The following PRKD1 variants were observed in gnomAD, a reference collection of about 807,000 sequenced individuals.
PRKD1 encodes protein kinase D1, also known as serine/threonine-protein kinase D1.
PRKD1 carries 63 observed loss-of-function variants against 95.9 expected under a neutral mutation model. The observed-to-expected ratio is 0.66, with a 90% CI of 0.54 to 0.81. The LOEUF is 0.81. Among genes scored for constraint, PRKD1 ranks in the 30% least tolerant of loss-of-function variants. The pLI is 0.00. For missense variants in PRKD1, 1,048 were observed against 1,165.3 expected (o/e 0.90, Z 1.47); for synonymous variants, 425 against 423.1 (o/e 1.00, Z -0.05).
chr14:29,806,599 C>T (rs45452697), intron 1 of PRKD1, among the ~76,000 whole-genome samples: 5 of 152,188 alleles, frequency 3.3e-5, no homozygotes, highest in South Asian at 2.1e-4. Flanking sequence ...GAAAATGGTT[C>T]GACTGTTCAG....
At chr14:29,744,153 C>CTAACTG (rs1354225346) in intron 1 of PRKD1, among the ~76,000 whole-genome samples, 1 of 152,142 alleles carries the variant, frequency 6.6e-6, no homozygotes, top group African/African-American at 2.4e-5. Flanking sequence ...ACTCATCTAT[C>CTAACTG]TAACTGATAC....
chr14:29,624,711 C>T (rs1021034532), intron 12 of PRKD1, among the ~76,000 whole-genome samples: 1 of 152,084 alleles, frequency 6.6e-6, no homozygotes, highest in African/African-American at 2.4e-5. Context: ...AAATCACTCA[C>T]TCTTTCTGAA....
chr14:29,681,340 T>C (rs1883529254), intron 2 of PRKD1, among the ~76,000 whole-genome samples: 1 of 151,788 alleles, frequency 6.6e-6, no homozygotes, highest in African/African-American at 2.4e-5. Flanking sequence ...TGTCACTTCA[T>C]GAAAATGAGA....
intron 1 of PRKD1, among the ~76,000 whole-genome samples, chr14:29,880,891 G>C (rs2139395078): frequency 6.6e-6 from 1 of 152,274 alleles, no homozygotes; most frequent in South Asian, 2.1e-4. Context: ...TCTCCATTTG[G>C]AATGGCTGTA....
chr14:29,668,885 G>A (rs1366348897), intron 2 of PRKD1, among the ~76,000 whole-genome samples: 1 of 152,138 alleles, frequency 6.6e-6, no homozygotes, highest in Admixed American at 6.6e-5. Context: ...CCATTTTACA[G>A]ATGAGAAAAC....
At chr14:29,726,044 G>A (rs1316097856) in intron 1 of PRKD1, among the ~76,000 whole-genome samples, 1 of 152,112 alleles carries the variant, frequency 6.6e-6, no homozygotes, top group Non-Finnish European at 1.5e-5. Context: ...TAAAAAATGG[G>A]AGTCGCTTTA....
chr14:29,906,105 A>G (rs774685469), intron 1 of PRKD1, among the ~76,000 whole-genome samples: 6 of 152,210 alleles, frequency 3.9e-5, no homozygotes, highest in African/African-American at 7.2e-5. Flanking sequence ...AAAATCCCAG[A>G]AAATAAGACA....
intron 13 of PRKD1, among the ~76,000 whole-genome samples, chr14:29,600,566 C>T (rs1893479912): frequency 6.6e-6 from 1 of 152,032 alleles, no homozygotes; most frequent in Non-Finnish European, 1.5e-5. Context: ...CCGTGTTCAC[C>T]GGATCCAAAA....
chr14:29,785,011 T>A (rs1889203629), intron 1 of PRKD1, among the ~76,000 whole-genome samples: 1 of 152,198 alleles, frequency 6.6e-6, no homozygotes, highest in Non-Finnish European at 1.5e-5. Context: ...AAATTCCATC[T>A]CCTTTTACTG....
intron 1 of PRKD1, among the ~76,000 whole-genome samples, chr14:29,816,729 A>G (rs964817190): frequency 3.3e-5 from 5 of 152,166 alleles, no homozygotes; most frequent in African/African-American, 1.2e-4. Flanking sequence ...TGACAGTTTT[A>G]TATTTCAATG....
At chr14:29,705,505 C>A (rs753075828) in intron 2 of PRKD1, among the ~76,000 whole-genome samples, 39 of 151,334 alleles carry the variant, frequency 2.6e-4, no homozygotes, top group Non-Finnish European at 5.7e-4. Context: ...ATACAATTAA[C>A]CCATTTAAAG....
At chr14:29,578,449 C>G in intron 16 of PRKD1, 89 bp from the exon 17 acceptor site, 3 of 754,472 alleles carry the variant, frequency 4.0e-6, no homozygotes, top group Non-Finnish European at 5.7e-6. Context: ...CTATTTCACA[C>G]AGTTAAATGC....
intron 1 of PRKD1, among the ~76,000 whole-genome samples, chr14:29,733,190 C>A (rs1886538881): frequency 6.6e-6 from 1 of 151,414 alleles, no homozygotes; most frequent in South Asian, 2.1e-4. Flanking sequence ...GCAAGCTCCG[C>A]CTCCCAGGTT....
chr14:29,867,918 G>T, intron 1 of PRKD1, among the ~76,000 whole-genome samples: 1 of 152,182 alleles, frequency 6.6e-6, no homozygotes, highest in East Asian at 1.9e-4. Context: ...AACAGGGTGG[G>T]ATTAGTCATA....
intron 2 of PRKD1, among the ~76,000 whole-genome samples, chr14:29,697,733 T>A (rs1011405918): frequency 1.3e-4 from 20 of 152,192 alleles, no homozygotes; most frequent in African/African-American, 3.9e-4. Flanking sequence ...GTGCTTGAAT[T>A]TCTCCAGCAA....
intron 1 of PRKD1, among the ~76,000 whole-genome samples, chr14:29,740,440 A>C (rs1886936709): frequency 6.6e-6 from 1 of 152,224 alleles, no homozygotes; most frequent in African/African-American, 2.4e-5. Flanking sequence ...GAACATATTA[A>C]GGAATATTTT....
intron 1 of PRKD1, 91 bp from the exon 2 acceptor site, chr14:29,725,765 A>G: frequency 7.4e-7 from 1 of 1,360,212 alleles, no homozygotes; most frequent in Non-Finnish European, 1.0e-6. Flanking sequence ...CAAGCTAATT[A>G]GAAAAGTTCA....
In PRKD1 at chr14:29,927,417, C is replaced by G. The variant is rs745933454; in HGVS notation, c.96G>C (p.Gly32=). 10 of 1,465,102 alleles carry G rather than the reference C, an allele frequency of 6.8e-6. No individual in the cohort carries two copies. In the African/African-American group the frequency reaches 1.5e-4, roughly 22 times the overall value. The allele number at this position is 1,465,102 out of a possible 1,614,324, so 90.8% of individuals were successfully genotyped here. The change falls in exon 1 of 18, where the codon GGG becomes GGC. Residue 32 remains glycine (G), a synonymous_variant. Coordinates refer to ENST00000331968, the MANE Select transcript of PRKD1 (RefSeq NM_002742.3). The stretch of plus-strand genomic sequence containing the variant: ...GAGCCAAGAACGGCGCGGGCCCGGG[C>G]CCGGACCCTGGGACCAGTGCGGCGG... ...AAAAALVPGS[G]PGPAPFLAPV... is the part of the protein sequence containing the mutation.
chr14:29,927,468 G>C lies in PRKD1; in HGVS notation c.45C>G (p.Pro15=), dbSNP rs534744287. 6 of 1,281,372 alleles carry C rather than the reference G, an allele frequency of 4.7e-6. No homozygotes were observed. The highest frequency in any genetic ancestry group is 2.5e-5 in the South Asian group (1 of 39,894). The allele number at this position is 1,281,372 out of a possible 1,614,324, so 79.4% of individuals were successfully genotyped here. Residue 15 remains proline (P), a synonymous_variant, in exon 1 of 18, where the codon CCC becomes CCG. Transcript: ENST00000331968. Reference sequence around the variant, plus strand: ...CCGCTGCGGCAGCTGCCGCCGCCACGGGCAGCAGCGGACTGGGCGGCCGCA... The same window carrying C: ...CCGCTGCGGCAGCTGCCGCCGCCACCGGCAGCAGCGGACTGGGCGGCCGCA... ...PVLRPPSPLL[P]VAAAAAAAAA... is the part of the protein sequence containing the mutation.
Sources: gnomAD v4.1 joint callset for allele counts (sites outside exome capture counted in the v4.1 genomes callset) on GRCh38, gnomAD v4.1.1 for gene constraint, MANE v1.5 for transcripts, NCBI Gene and HGNC (gene_info 2026-07-23, HGNC 2026-07-21) for gene names.